CYP2F1: variants seen among roughly 807,000 people sequenced by gnomAD.
The protein encoded by CYP2F1 is cytochrome P450 2F1.
A neutral mutation model predicts 40.4 loss-of-function variants in CYP2F1; 33 were observed. That is an observed-to-expected ratio of 0.82 (90% CI 0.62 to 1.09). The LOEUF is 1.09. Among genes scored for constraint, CYP2F1 ranks in the 50% least tolerant of loss-of-function variants. The pLI, the probability that CYP2F1 is intolerant of heterozygous loss-of-function variation, is 0.00. For synonymous variants in CYP2F1, 235 were observed against 277.2 expected (o/e 0.85, Z 1.51); for missense variants, 566 against 655.7 (o/e 0.86, Z 1.49).
intron 7 of CYP2F1, chr19:41,123,321 C>T (rs753033827): frequency 1.8e-5 from 7 of 387,780 alleles, no homozygotes; most frequent in Non-Finnish European, 3.1e-5. Context: ...CCTGCCTCAG[C>T]CTCCCAAGTA....
intron 3 of CYP2F1, among the ~76,000 whole-genome samples, chr19:41,119,682 CGTCT>C (rs1568377137): frequency 1.4e-4 from 4 of 28,972 alleles, no homozygotes; most frequent in African/African-American, 5.5e-4. Flanking sequence ...AGCAAGACTC[CGTCT>C]CTCTCTCTCT....
chr19:41,114,954 G>C (rs528227479), intron 1 of CYP2F1, among the ~76,000 whole-genome samples: 1 of 151,916 alleles, frequency 6.6e-6, no homozygotes, highest in Non-Finnish European at 1.5e-5. Context: ...GTTTTTAGTA[G>C]AGACAGGGTT....
chr19:41,123,266 C>T (rs1170978864), intron 7 of CYP2F1: 5 of 477,604 alleles, frequency 1.0e-5, no homozygotes, highest in African/African-American at 1.9e-5. Flanking sequence ...GGCGTGATCT[C>T]GATCCGCTCA....
rs2032330421 is a variant in CYP2F1 at position 41,123,126 on chromosome 19, T to C, written c.964+163T>C. The C allele has an allele frequency of 7.6e-6, 6 of 792,932 alleles. No homozygotes were observed. In the East Asian group the frequency reaches 1.3e-4, roughly 18 times the overall value. 49.1% of individuals were successfully genotyped at this position (792,932 alleles called of 1,614,324 possible). ...CCACACGGAGGCCGATCCCACCACA[T>C]GGCCCATGAGGTCCATGCAGCCTGC... On this transcript the variant is annotated intron_variant, in intron 7 of 9. Transcript: ENST00000331105.
Position 41,124,888 on chromosome 19 carries a change from C to T in CYP2F1, c.1134C>T (p.Arg378=), listed in dbSNP as rs1252256697. 6.2e-7 allele frequency: 1 copy of T among 1,606,148 alleles called. No homozygotes were observed. The highest frequency in any genetic ancestry group is 8.5e-7 in the Non-Finnish European group (1 of 1,177,884). Residue 378 remains arginine (R), a synonymous_variant, in exon 8 of 10, where the codon CGC becomes CGT. Transcript: ENST00000331105. Reference sequence around the variant, plus strand: ...GCGTCACTAGGGACACGGCCTTTCGCGGCTTCCTGATACCCAAGGTGCGCT... The same window carrying T: ...GCGTCACTAGGGACACGGCCTTTCGTGGCTTCCTGATACCCAAGGTGCGCT... The part of the protein sequence containing the change: ...PHRVTRDTAF[R]GFLIPKGTDV...
rs1374478221 is a variant in CYP2F1, at chr19:41,124,796, T to C, written c.1042T>C (p.Tyr348His). Residue 348 changes from tyrosine to histidine, a missense_variant, in exon 8 of 10, where the codon TAC (tyrosine) becomes CAC (histidine). Physicochemically the swap from Tyr to His is moderately conservative, Grantham distance 83. This residue lies in a region of CYP2F1 where 128 missense variants were observed against 121.0 expected (regional missense o/e 1.06). Coordinates refer to ENST00000331105, the MANE Select transcript of CYP2F1 (RefSeq NM_000774.5). ...GCTGAAGGACCGCGCGGCCATGCCT[T>C]ACACAGACGCGGTGATCCACGAGGT... ...PALKDRAAMPYTDAVIHEVQR... is the reference protein window; with the variant it reads ...PALKDRAAMPHTDAVIHEVQR... 1 of 1,611,346 alleles carries C rather than the reference T, an allele frequency of 6.2e-7. No individual in the cohort carries two copies. Among genetic ancestry groups the C allele is most frequent in the Admixed American group, 1.7e-5 (1 of 59,960 alleles).
At chr19:41,117,394 C>T (rs927726097) in intron 3 of CYP2F1, among the ~76,000 whole-genome samples, 22 of 152,016 alleles carry the variant, frequency 1.4e-4, no homozygotes, top group Admixed American at 4.6e-4. Context: ...GGCATCCCAA[C>T]GTGCTGGGAT....
Position 41,122,902 on chromosome 19 carries a change from G to T in CYP2F1, c.903G>T (p.Lys301Asn). 1 of 1,608,170 alleles carries T rather than the reference G, an allele frequency of 6.2e-7. No individual in the cohort carries two copies. Among genetic ancestry groups the T allele is most frequent in the Admixed American group, 1.7e-5 (1 of 59,418 alleles). ...ATAACCTGCTCTTTGGCGGCACCAA[G>T]ACGGTGAGCACCACGCTGCACCACG... ...TTHNLLFGGT[K>N]TVSTTLHHAF... Residue 301 changes from lysine to asparagine, a missense_variant, in exon 7 of 10, where the codon AAG becomes AAT. Lys to Asn is a moderately conservative substitution (Grantham distance 94). This residue lies in a region of CYP2F1 where 128 missense variants were observed against 121.0 expected (regional missense o/e 1.06). Coordinates refer to ENST00000331105, the MANE Select transcript of CYP2F1 (RefSeq NM_000774.5).
intron 4 of CYP2F1, 124 bp downstream of exon 4, chr19:41,120,620 T>G (rs962739947): frequency 8.5e-6 from 9 of 1,061,514 alleles, no homozygotes; most frequent in South Asian, 2.7e-5. Context: ...TAGCTGGTAC[T>G]TCAGGTGTGC....
At chr19:41,119,748 T>TATATATACACACACACAC (rs1337166345) in intron 3 of CYP2F1, among the ~76,000 whole-genome samples, 1 of 36,100 alleles carries the variant, frequency 2.8e-5, no homozygotes, top group African/African-American at 1.1e-4. Flanking sequence ...TATATATATA[T>TATATATACACACACACAC]ACACACACAC....
chr19:41,120,222 C>G lies in CYP2F1; in HGVS notation c.335-125C>G, dbSNP rs1009290405. The G allele has an allele frequency of 1.2e-5, 11 of 946,470 alleles. No individual in the cohort carries two copies. In the African/African-American group the frequency reaches 1.7e-4, roughly 14 times the overall value. The allele number at this position is 946,470 out of a possible 1,614,324, so 58.6% of individuals were successfully genotyped here. On this transcript the variant is annotated intron_variant, in intron 3 of 9. Transcript: ENST00000331105. ...AAGCTGGAGGGTCCAGAAGGGCTTA[C>G]TGGAAGGAGCCAGGGAGATTCCAAA...
chr19:41,123,311 C>A (rs2032346391), intron 7 of CYP2F1: 2 of 395,672 alleles, frequency 5.1e-6, no homozygotes, highest in Non-Finnish European at 5.1e-6. Flanking sequence ...AAGGGATTCT[C>A]CTGCCTCAGC....
chr19:41,122,218 G>A, intron 6 of CYP2F1, 85 bp downstream of exon 6: 2 of 1,285,574 alleles, frequency 1.6e-6, no homozygotes, highest in South Asian at 1.3e-5. Flanking sequence ...GACCCCAGAT[G>A]GGGCAGGGTT....
At position 41,120,401 on chromosome 19, in the gene CYP2F1, A is replaced by T. The variant is rs757617940; in HGVS notation, c.389A>T (p.Gln130Leu). Residue 130 changes from glutamine (Q) to leucine (L), a missense_variant, in exon 4 of 10, where the codon CAG (glutamine) becomes CTG (leucine). Gln to Leu is a moderately radical substitution (Grantham distance 113). Coordinates refer to ENST00000331105, the MANE Select transcript of CYP2F1 (RefSeq NM_000774.5). ...RWKVLRQFSIQILRNFGMGKR... is the reference protein window; with the variant it reads ...RWKVLRQFSILILRNFGMGKR... Reference sequence around the variant, plus strand: ...AAGGTCCTGAGACAGTTCTCTATCCAGATTCTACGGAATTTCGGGATGGGG... The same window carrying T: ...AAGGTCCTGAGACAGTTCTCTATCCTGATTCTACGGAATTTCGGGATGGGG... 1 of 1,614,014 alleles carries T rather than the reference A, an allele frequency of 6.2e-7. No individual in the cohort carries two copies.
chr19:41,118,407 C>T (rs1268669358), intron 3 of CYP2F1, among the ~76,000 whole-genome samples: 1 of 152,140 alleles, frequency 6.6e-6, no homozygotes, highest in African/African-American at 2.4e-5. Flanking sequence ...ATGTCTAGGG[C>T]TCTCCCTGGC....
chr19:41,115,125 T>C (rs991045916), intron 1 of CYP2F1, among the ~76,000 whole-genome samples: 3 of 151,746 alleles, frequency 2.0e-5, no homozygotes, highest in African/African-American at 7.2e-5. Context: ...GTGGCTCTAA[T>C]ATTCCCTGCC....
intron 7 of CYP2F1, among the ~76,000 whole-genome samples, chr19:41,124,428 T>A (rs1285634091): frequency 1.3e-5 from 2 of 151,882 alleles, no homozygotes; most frequent in Non-Finnish European, 1.5e-5. Flanking sequence ...CAAGCCCAGC[T>A]AATTTTTCTA....
intron 3 of CYP2F1, among the ~76,000 whole-genome samples, chr19:41,117,830 CTTTATTTATTTATTTA>C (rs71896870): frequency 3.3e-5 from 5 of 149,564 alleles, no homozygotes; most frequent in African/African-American, 5.0e-5. Flanking sequence ...GGTCTTCAAA[CTTTATTTATTTATTTA>C]TTTATTTATT....
At position 41,120,351 on chromosome 19, in the gene CYP2F1, C is replaced by T. The variant is rs568092421; in HGVS notation, c.339C>T (p.Ile113=). 1.7e-5 allele frequency: 27 copies of T among 1,590,982 alleles called. No homozygotes were observed. The East Asian group carries it at 3.4e-4, about 20-fold the overall frequency. The change falls in exon 4 of 10, where the codon ATC becomes ATT. Residue 113 remains isoleucine (I), a synonymous_variant. Transcript: ENST00000331105. ...AFFNFTKGNG[I]AFSSGDRWKV... is the part of the protein sequence containing the mutation. ...GTCCCCTCCTCTTCTCCCCAGGCAT[C>T]GCCTTCTCCAGTGGGGATCGATGGA... is the stretch of plus-strand genomic sequence containing the variant.
Sources: gnomAD v4.1 joint callset for allele counts (sites outside exome capture counted in the v4.1 genomes callset) on GRCh38, gnomAD v4.1.1 for gene constraint, gnomAD v4.1.1 regional missense constraint, MANE v1.5 for transcripts, NCBI Gene and HGNC (gene_info 2026-07-23, HGNC 2026-07-21) for gene names.